ZNF676: variants seen among roughly 807,000 people sequenced by gnomAD.
The protein encoded by ZNF676 is zinc finger protein 676.
Under a neutral mutation model 6.0 loss-of-function variants are expected in ZNF676, and 4 were observed. That is an observed-to-expected ratio of 0.67 (90% confidence interval 0.33 to 1.53). The LOEUF is 1.53. Ranked by LOEUF, ZNF676 falls within the 40% of genes most tolerant of loss-of-function variation. ZNF676 has a pLI of 0.06. For synonymous variants in ZNF676, 198 were observed against 223.1 expected (o/e 0.89, Z 1.00); for missense variants, 644 against 679.7 (o/e 0.95, Z 0.58).
In ZNF676 at chr19:22,181,606, AC is replaced by A. The variant is rs1396645187; in HGVS notation, c.131-21del. On this transcript the variant is annotated intron_variant, in intron 2 of 2. Coordinates refer to ENST00000397121, the MANE Select transcript of ZNF676 (RefSeq NM_001001411.3). ...ATATAACTGAAAAGAAATAAAAATA[AC>A]AAATTAATCTACATATTAGACTCAG... 3 of 1,493,210 alleles carry A rather than the reference AC, an allele frequency of 2.0e-6. No homozygotes were observed. The African/African-American group carries it at 4.3e-5, about 21-fold the overall frequency. 92.5% of individuals were successfully genotyped at this position (1,493,210 alleles called of 1,614,324 possible).
intron 1 of ZNF676, among the ~76,000 whole-genome samples, chr19:22,204,687 G>C (rs908983278): frequency 1.3e-5 from 2 of 152,068 alleles, no homozygotes; most frequent in African/African-American, 2.4e-5. Flanking sequence ...AAATTAATCC[G>C]ATCTTTGTGC....
upstream of ZNF676, among the ~76,000 whole-genome samples, chr19:22,215,939 G>A (rs1364937129): frequency 6.6e-6 from 1 of 152,210 alleles, no homozygotes; most frequent in South Asian, 2.1e-4. Flanking sequence ...GAGAGCCAAC[G>A]TAGGCTGCAG....
At position 22,179,653 on chromosome 19, in the gene ZNF676, G is replaced by C. The variant is rs1399084548; in HGVS notation, c.*297C>G. 2 of 583,392 alleles carry C rather than the reference G, an allele frequency of 3.4e-6. No individual in the cohort carries two copies. The highest frequency in any genetic ancestry group is 6.3e-6 in the Non-Finnish European group (2 of 317,318). 36.1% of individuals were successfully genotyped at this position (583,392 alleles called of 1,614,324 possible). ...TCCAGTATGAATTCTTTTATGAGTA[G>C]TAAGGTGTGAGGAACAGTTGAAGTC... On this transcript the variant is annotated 3_prime_UTR_variant, in exon 3 of 3. Transcript: ENST00000397121.
the ZNF676 span, among the ~76,000 whole-genome samples, chr19:22,239,476 G>GC: frequency 6.6e-6 from 1 of 152,026 alleles, no homozygotes; most frequent in Non-Finnish European, 1.5e-5. Context: ...CACTGTGCCT[G>GC]CCCCAAACTG....
At chr19:22,210,302 G>A (rs2024116179) in intron 1 of ZNF676, among the ~76,000 whole-genome samples, 1 of 152,002 alleles carries the variant, frequency 6.6e-6, no homozygotes, top group African/African-American at 2.4e-5. Context: ...CACAGACCCT[G>A]ATTCAGGGCT....
chr19:22,231,103 G>T, the ZNF676 span, among the ~76,000 whole-genome samples: 1 of 152,036 alleles, frequency 6.6e-6, no homozygotes, highest in Non-Finnish European at 1.5e-5. Context: ...AAAATTTTGA[G>T]AGTAAAATCT....
the ZNF676 span, among the ~76,000 whole-genome samples, chr19:22,232,154 G>T: frequency 6.6e-6 from 1 of 151,702 alleles, no homozygotes; most frequent in Non-Finnish European, 1.5e-5. Flanking sequence ...AGTTACAATA[G>T]CATATTTCTT....
chr19:22,247,794 C>T, the ZNF676 span, among the ~76,000 whole-genome samples: 25 of 152,078 alleles, frequency 1.6e-4, no homozygotes, highest in African/African-American at 4.6e-4. Flanking sequence ...GACAGTTGTG[C>T]GTGACACGAT....
rs550844681 is a variant in ZNF676 at position 22,190,856 on chromosome 19, T to C, written c.130+2160A>G. On this transcript the variant is annotated intron_variant, in intron 2 of 2. Coordinates refer to ENST00000397121, the MANE Select transcript of ZNF676 (RefSeq NM_001001411.3). ...ATAAAGCAATTATAAAGATAAATCTTGATAACATTATGCAAAATGAAATGA... is the reference window on the plus strand; with the variant it reads ...ATAAAGCAATTATAAAGATAAATCTCGATAACATTATGCAAAATGAAATGA... 2.0e-5 allele frequency among the ~76,000 whole-genome samples: 3 copies of C among 151,808 alleles called. 1 individual carries two copies. The South Asian group carries it at 6.2e-4, about 32-fold the overall frequency.
Position 22,186,293 on chromosome 19 carries a change from G to A in ZNF676, c.131-4707C>T, listed in dbSNP as rs190893631. On this transcript the variant is annotated intron_variant, in intron 2 of 2. Coordinates refer to ENST00000397121, the MANE Select transcript of ZNF676 (RefSeq NM_001001411.3). Reference sequence around the variant, plus strand: ...TCCAGCCAAACTAAGCTTCATAAGCGAAGGTGAAATAAAATCCTTTACAGA... The same window carrying A: ...TCCAGCCAAACTAAGCTTCATAAGCAAAGGTGAAATAAAATCCTTTACAGA... Among the ~76,000 whole-genome samples the A allele has an allele frequency of 1.8e-4, 28 of 152,218 alleles. No homozygotes were observed. In the East Asian group the frequency reaches 1.9e-3, roughly 10 times the overall value.
upstream of ZNF676, among the ~76,000 whole-genome samples, chr19:22,217,601 CCT>C (rs2024206090): frequency 7.2e-6 from 1 of 139,258 alleles, no homozygotes. Flanking sequence ...GTTCTTTTTT[CCT>C]TTTTTTTTTT....
upstream of ZNF676, among the ~76,000 whole-genome samples, chr19:22,201,731 C>CAAAAAAAA (rs35526921): frequency 7.9e-5 from 6 of 76,228 alleles, no homozygotes; most frequent in African/African-American, 8.7e-5. Context: ...TTTGTAAAGG[C>CAAAAAAAA]AAAAAAAAAA....
In ZNF676 at chr19:22,196,673, T is replaced by C. The variant is rs1420756514; in HGVS notation, c.-40A>G. 3 of 1,613,340 alleles carry C rather than the reference T, an allele frequency of 1.9e-6. No individual in the cohort carries two copies. The highest frequency in any genetic ancestry group is 3.3e-5 in the Admixed American group (2 of 59,978). On this transcript the variant is annotated 5_prime_UTR_variant, in exon 1 of 3. The change abolishes an upstream ATG in the 5' untranslated region. Coordinates refer to ENST00000397121, the MANE Select transcript of ZNF676 (RefSeq NM_001001411.3). ...AATTCTGCTGTGTAGAATCCAGGCA[T>C]TGCCACTCCTCCAGAGAGAATTCTA...
upstream of ZNF676, among the ~76,000 whole-genome samples, chr19:22,197,500 G>A (rs2023979918): frequency 6.6e-6 from 1 of 151,780 alleles, no homozygotes; most frequent in African/African-American, 2.4e-5. Flanking sequence ...TAAAGTCTGA[G>A]TTGCTGAATT....
the ZNF676 span, among the ~76,000 whole-genome samples, chr19:22,232,945 T>C: frequency 6.6e-6 from 1 of 152,048 alleles, no homozygotes; most frequent in African/African-American, 2.4e-5. Context: ...ACTCTAAAAG[T>C]ATATGGAATC....
intron 2 of ZNF676, among the ~76,000 whole-genome samples, chr19:22,186,567 A>C (rs1199472843): frequency 2.0e-5 from 3 of 152,238 alleles, no homozygotes; most frequent in Admixed American, 1.3e-4. Context: ...TAAATGCCCC[A>C]ATTAAAAGAC....
At chr19:22,185,110 C>T in intron 2 of ZNF676, among the ~76,000 whole-genome samples, 1 of 152,090 alleles carries the variant, frequency 6.6e-6, no homozygotes, top group East Asian at 1.9e-4. Context: ...AGACCTCATA[C>T]AAGAGAGCTC....
At position 22,193,067 on chromosome 19, in the gene ZNF676, C is replaced by T; in HGVS notation, c.79G>A (p.Gly27Arg). 1 of 1,609,610 alleles carries T rather than the reference C, an allele frequency of 6.2e-7. No individual in the cohort carries two copies. Among genetic ancestry groups the T allele is most frequent in the East Asian group, 2.2e-5 (1 of 44,722 alleles). Residue 27 changes from glycine (G) to arginine (R), a missense_variant, in exon 2 of 3, where the codon GGA becomes AGA. Physicochemically the swap from Gly to Arg is moderately radical, Grantham distance 125. This residue lies in a region of ZNF676 where 280 missense variants were observed against 269.3 expected (regional missense o/e 1.04). Coordinates refer to ENST00000397121, the MANE Select transcript of ZNF676 (RefSeq NM_001001411.3). ...KPDLIIFLEQ[G>R]KEPWNMKRHE... ...CTCTTCATATTCCAGGGCTCTTTTC[C>T]TTGCTCCAGAAAAATGATCAGGTCT... is the stretch of plus-strand genomic sequence containing the variant.
chr19:22,216,829 G>C (rs1256901505), upstream of ZNF676, among the ~76,000 whole-genome samples: 1 of 151,416 alleles, frequency 6.6e-6, no homozygotes, highest in East Asian at 2.0e-4. Context: ...CCAGCTATTC[G>C]GGGGCTAAAG....
Sources: gnomAD v4.1 joint callset for allele counts (sites outside exome capture counted in the v4.1 genomes callset) on GRCh38, gnomAD v4.1.1 for gene constraint, gnomAD v4.1.1 regional missense constraint, MANE v1.5 for transcripts, NCBI Gene and HGNC (gene_info 2026-07-23, HGNC 2026-07-21) for gene names.